The following CHRNA4 variants were observed in gnomAD, a reference collection of about 807,000 sequenced individuals.
CHRNA4 encodes the protein neuronal acetylcholine receptor subunit alpha-4.
A neutral mutation model predicts 48.9 loss-of-function variants in CHRNA4; 28 were observed. The observed-to-expected ratio is 0.57, with a 90% CI of 0.42 to 0.79. CHRNA4 has a LOEUF of 0.79. CHRNA4 is among the 30% of genes least tolerant of loss of function. The probability of loss-of-function intolerance (pLI) is 0.00; values close to 1 mark genes in which losing one functional copy is unlikely to be tolerated. For missense variants in CHRNA4, 859 were observed against 898.4 expected (o/e 0.96, Z 0.56); for synonymous variants, 425 against 402.3 (o/e 1.06, Z -0.68).
rs771524600 is a variant in CHRNA4 at position 63,350,445 on chromosome 20, G to A, written c.966C>T (p.Val322=). Residue 322 remains valine (V), a synonymous_variant, in exon 5 of 6, where the codon GTC becomes GTT. Coordinates refer to ENST00000370263, the MANE Select transcript of CHRNA4 (RefSeq NM_000744.7). ...GCACGTTGAGCACGAAGACCGTGAT[G>A]ACGATGGACAGGGTGACGAAGATCA... The part of the protein sequence containing the change: ...FTMIFVTLSI[V]ITVFVLNVHH... The A allele has an allele frequency of 6.2e-7, 1 of 1,614,010 alleles. No homozygotes were observed. The highest frequency in any genetic ancestry group is 8.5e-7 in the Non-Finnish European group (1 of 1,180,042).
chr20:63,348,211 C>T (rs933750259), intron 5 of CHRNA4, among the ~76,000 whole-genome samples: 11 of 152,120 alleles, frequency 7.2e-5, no homozygotes, highest in African/African-American at 1.4e-4. Flanking sequence ...GCCCAGGGCG[C>T]GCGACCGCCG....
At position 63,361,117 on chromosome 20, in the gene CHRNA4, G is replaced by T; in HGVS notation, c.49C>A (p.Leu17Met). ...CGCAGGAGGCCGGTCCCCAGAAGCA[G>T]CAGCAGCGGCGGCAGCAGCCGCGGC... is the stretch of plus-strand genomic sequence containing the variant. ...GAPRLLPPLL[L>M]LLGTGLLRAS... Residue 17 changes from leucine (L) to methionine (M), a missense_variant, in exon 1 of 6, where the codon CTG (leucine) becomes ATG (methionine). Leu to Met is a conservative substitution (Grantham distance 15, BLOSUM62 2). Transcript: ENST00000370263. The T allele has an allele frequency of 6.8e-7, 1 of 1,478,586 alleles. No individual in the cohort carries two copies. The highest frequency in any genetic ancestry group is 8.9e-7 in the Non-Finnish European group (1 of 1,120,706). The allele number at this position is 1,478,586 out of a possible 1,614,324, so 91.6% of individuals were successfully genotyped here.
rs202203317 is a variant in CHRNA4, at chr20:63,346,762, C to A, written c.1860G>T (p.Pro620=). The part of the protein sequence containing the change: ...CLLGTVGLFL[P]PWLAGMI ...CCTAGATCATGCCAGCCAGCCAGGGCGGCAGGAAGAGGCCCACCGTCCCCA... is the reference window on the plus strand; with the variant it reads ...CCTAGATCATGCCAGCCAGCCAGGGAGGCAGGAAGAGGCCCACCGTCCCCA... The change falls in exon 6 of 6, where the codon CCG becomes CCT. Residue 620 remains proline (P), a synonymous_variant. Transcript: ENST00000370263. 3 of 1,611,158 alleles carry A rather than the reference C, an allele frequency of 1.9e-6. No homozygotes were observed. In the East Asian group the frequency reaches 6.7e-5, roughly 36 times the overall value.
In CHRNA4 at chr20:63,344,988, A is replaced by G; in HGVS notation, c.*1750T>C. The G allele has an allele frequency of 2.3e-6, 1 of 432,364 alleles. No homozygotes were observed. The highest frequency in any genetic ancestry group is 1.6e-5 in the South Asian group (1 of 62,388). 26.8% of individuals were successfully genotyped at this position (432,364 alleles called of 1,614,324 possible). ...CTCCTGGCACAAAAGCCCCAGCCTC[A>G]GGACCCCGGTCACAGGCACCCGGGG... On this transcript the variant is annotated 3_prime_UTR_variant, in exon 6 of 6. Transcript: ENST00000370263. The surrounding 1 kb of genome is among the most constrained non-coding windows in gnomAD (Gnocchi z 4.5).
chr20:63,361,290 C>T lies in CHRNA4; in HGVS notation c.-125G>A, dbSNP rs1490204148. The T allele has an allele frequency of 6.0e-6, 8 of 1,343,228 alleles. No individual in the cohort carries two copies. The African/African-American group carries it at 6.4e-5, about 11-fold the overall frequency. The allele number at this position is 1,343,228 out of a possible 1,614,324, so 83.2% of individuals were successfully genotyped here. A position where few individuals can be genotyped will look rare whatever the true frequency, so the allele number is the denominator to read the frequency against. On this transcript the variant is annotated 5_prime_UTR_variant, in exon 1 of 6. Transcript: ENST00000370263. ...GCCGCTTCGGCCGCCGGGCCCGGTT[C>T]GTCTTCTCCTGTGGGGCGCGGTGCG...
intron 2 of CHRNA4, among the ~76,000 whole-genome samples, chr20:63,358,452 A>G (rs2068752314): frequency 6.6e-6 from 1 of 152,132 alleles, no homozygotes; most frequent in African/African-American, 2.4e-5. Flanking sequence ...CTCCTCCCTC[A>G]GCGGCAGACC....
chr20:63,349,461 C>A (rs3899053), intron 5 of CHRNA4, 192 bp downstream of exon 5: 9 of 748,554 alleles, frequency 1.2e-5, no homozygotes, highest in Non-Finnish European at 1.7e-5. Context: ...CCCCCTGCCC[C>A]GCTCAGCCTG....
intron 5 of CHRNA4, among the ~76,000 whole-genome samples, chr20:63,348,438 T>A (rs1221784667): frequency 1.3e-5 from 2 of 152,326 alleles, no homozygotes; most frequent in East Asian, 3.9e-4. Context: ...GGTGGCTGTG[T>A]GGGGCGAGCA....
chr20:63,349,759 G>C lies in CHRNA4; in HGVS notation c.1652C>G (p.Thr551Ser). 3 of 1,611,966 alleles carry C rather than the reference G, an allele frequency of 1.9e-6. No homozygotes were observed. Among genetic ancestry groups the C allele is most frequent in the Non-Finnish European group, 2.5e-6 (3 of 1,179,376 alleles). ...SPSATVKTRS[T>S]KAPPPHLPLS... is the part of the protein sequence containing the mutation. ...GGGCAGGTGCGGGGGCGGCGCTTTG[G>C]TGCTGCGGGTCTTGACCGTGGCGCT... Residue 551 changes from threonine to serine, a missense_variant, in exon 5 of 6, where the codon ACC becomes AGC. Transcript: ENST00000370263.
At chr20:63,351,748 C>CT (rs2068619339) in intron 4 of CHRNA4, among the ~76,000 whole-genome samples, 1 of 152,348 alleles carries the variant, frequency 6.6e-6, no homozygotes, top group East Asian at 1.9e-4. Context: ...GCTCTGGACT[C>CT]TCTTTTGCCT....
intron 2 of CHRNA4, chr20:63,356,754 G>A (rs536674091): frequency 4.3e-6 from 2 of 465,928 alleles, no homozygotes; most frequent in Middle Eastern, 6.2e-4. Flanking sequence ...CGGCCCTTGG[G>A]GGCAGCCCCT....
In CHRNA4 at chr20:63,350,172, A is replaced by T; in HGVS notation, c.1239T>A (p.Asp413Glu). ...AGGAAGGCCCAGGCTCAGCCGGCAC[A>T]TCCAGGGGGACACAGAAGGACGGTG... Reference protein sequence around the residue: ...PPSPSFCVPLDVPAEPGPSCK... With the variant: ...PPSPSFCVPLEVPAEPGPSCK... Residue 413 changes from aspartate (D) to glutamate (E), a missense_variant, in exon 5 of 6, where the codon GAT (aspartate) becomes GAA (glutamate). Asp to Glu is a conservative substitution (Grantham distance 45). Transcript: ENST00000370263. The T allele has an allele frequency of 6.3e-7, 1 of 1,590,502 alleles. No homozygotes were observed. The highest frequency in any genetic ancestry group is 8.6e-7 in the Non-Finnish European group (1 of 1,167,056).
chr20:63,360,746 G>A (rs1320947189), intron 1 of CHRNA4, among the ~76,000 whole-genome samples: 3 of 152,216 alleles, frequency 2.0e-5, no homozygotes, highest in Admixed American at 2.0e-4. Flanking sequence ...GGGTCTTCAG[G>A]GAAATTTAGC....
In CHRNA4 at chr20:63,356,068, T is replaced by A; in HGVS notation, c.290A>T (p.Lys97Met). The A allele has an allele frequency of 6.3e-7, 1 of 1,596,276 alleles. No individual in the cohort carries two copies. Among genetic ancestry groups the A allele is most frequent in the Non-Finnish European group, 8.5e-7 (1 of 1,174,330 alleles). The stretch of plus-strand genomic sequence containing the variant: ...ATAGTCAGCTGGGTCCCAGCGCAGC[T>A]TGTAGTCGTGCCACTCCTGGATGAG... ...VWVKQEWHDY[K>M]LRWDPADYEN... is the part of the protein sequence containing the mutation. The change falls in exon 4 of 6, where the codon AAG becomes ATG. Residue 97 changes from lysine to methionine, a missense_variant. Coordinates refer to ENST00000370263, the MANE Select transcript of CHRNA4 (RefSeq NM_000744.7).
At chr20:63,355,657 G>A in intron 4 of CHRNA4, 1 of 1,163,264 alleles carries the variant, frequency 8.6e-7, no homozygotes, top group Non-Finnish European at 1.2e-6. Context: ...CTCAGGACTG[G>A]TCCAGGCAGG....
At position 63,359,385 on chromosome 20, in the gene CHRNA4, G is replaced by A. The variant is rs71325433; in HGVS notation, c.228+163C>T. The A allele has an allele frequency of 1.1e-5, 10 of 882,874 alleles. No homozygotes were observed. In the Admixed American group the frequency reaches 1.6e-4, roughly 14 times the overall value. The allele number at this position is 882,874 out of a possible 1,614,324, so 54.7% of individuals were successfully genotyped here. ...TGAATCAACCCTTGGCTGGGGCTCA[G>A]GCGGGGCAGAGCTGGTGGCTGTCGT... On this transcript the variant is annotated intron_variant, in intron 2 of 5. Coordinates refer to ENST00000370263, the MANE Select transcript of CHRNA4 (RefSeq NM_000744.7).
chr20:63,346,974 C>G, intron 5 of CHRNA4, 111 bp from the exon 6 acceptor site: 1 of 1,525,004 alleles, frequency 6.6e-7, no homozygotes, highest in Non-Finnish European at 9.0e-7. Flanking sequence ...ACCTTCCACC[C>G]GAGGCAGCCA....
At position 63,343,792 on chromosome 20, in the gene CHRNA4, T is replaced by TCC. The variant is rs1300026918; in HGVS notation, c.*2944_*2945dup. On this transcript the variant is annotated 3_prime_UTR_variant, in exon 6 of 6. Coordinates refer to ENST00000370263, the MANE Select transcript of CHRNA4 (RefSeq NM_000744.7). Reference sequence around the variant, plus strand: ...GCAGGCTTCGAGCTGCAGCAGTGTCTCCCGCTGCCTGGTGCCTGGCACAGG... The same window carrying TCC: ...GCAGGCTTCGAGCTGCAGCAGTGTCTCCCCCGCTGCCTGGTGCCTGGCACAGG... 2.2e-6 allele frequency: 1 copy of TCC among 453,948 alleles called. No homozygotes were observed. Among genetic ancestry groups the TCC allele is most frequent in the Admixed American group, 2.3e-5 (1 of 42,558 alleles). 28.1% of individuals were successfully genotyped at this position (453,948 alleles called of 1,614,324 possible). A position where few individuals can be genotyped will look rare whatever the true frequency, so the allele number is the denominator to read the frequency against.
In CHRNA4 at chr20:63,345,106, G is replaced by A. The variant is rs201768233; in HGVS notation, c.*1632C>T. 9 of 454,054 alleles carry A rather than the reference G, an allele frequency of 2.0e-5. No individual in the cohort carries two copies. Among genetic ancestry groups the A allele is most frequent in the East Asian group, 7.0e-5 (1 of 14,380 alleles). 28.1% of individuals were successfully genotyped at this position (454,054 alleles called of 1,614,324 possible). A position where few individuals can be genotyped will look rare whatever the true frequency, so the allele number is the denominator to read the frequency against. On this transcript the variant is annotated 3_prime_UTR_variant, in exon 6 of 6. Transcript: ENST00000370263. This position sits in a 1 kb window ranked among gnomAD's most constrained non-coding sequence, Gnocchi z 5.4. Reference sequence around the variant, plus strand: ...ACGTCACTGCCCGCGGGGACACAGCGGCATTTCTGGGGCACTCGGCATGCC... The same window carrying A: ...ACGTCACTGCCCGCGGGGACACAGCAGCATTTCTGGGGCACTCGGCATGCC...
Sources: allele counts gnomAD v4.1 joint callset (sites outside exome capture counted in the v4.1 genomes callset), GRCh38; gene constraint gnomAD v4.1.1; non-coding constraint Gnocchi (gnomAD v3.1); transcripts MANE v1.5; gene names NCBI Gene and HGNC (gene_info 2026-07-23, HGNC 2026-07-21).